The following NRXN3 variants were observed in gnomAD, a reference collection of about 807,000 sequenced individuals.
The protein encoded by NRXN3 is neurexin 3.
In NRXN3, 32 loss-of-function variants were observed where a neutral mutation model predicts 137.6. That is an observed-to-expected ratio of 0.23 (90% CI 0.18 to 0.31). The LOEUF (loss-of-function observed/expected upper bound fraction) is 0.31. Among genes scored for constraint, NRXN3 ranks in the 10% least tolerant of loss-of-function variants. The probability of loss-of-function intolerance (pLI) is 1.00; values close to 1 mark genes in which losing one functional copy is unlikely to be tolerated. For missense variants in NRXN3, 1,574 were observed against 2,062.5 expected, an observed-to-expected ratio of 0.76 and a Z score of 4.59; for synonymous variants, 798 against 784.5, an observed-to-expected ratio of 1.02 and a Z score of -0.29.
chr14:79,821,838 C>T (rs557385796), intron 20 of NRXN3, among the ~76,000 whole-genome samples: 1 of 152,110 alleles, frequency 6.6e-6, no homozygotes, highest in Non-Finnish European at 1.5e-5. Flanking sequence ...TGGACCTAGT[C>T]TTTATTGGAG....
chr14:79,315,942 A>T (rs1331448937), intron 15 of NRXN3, among the ~76,000 whole-genome samples: 1 of 152,240 alleles, frequency 6.6e-6, no homozygotes, highest in Non-Finnish European at 1.5e-5. Flanking sequence ...TGGTTAAATA[A>T]GAAATACATT....
intron 4 of NRXN3, among the ~76,000 whole-genome samples, chr14:78,424,038 T>C (rs184824934): frequency 5.8e-4 from 89 of 152,336 alleles, no homozygotes; most frequent in Non-Finnish European, 1.0e-3. Flanking sequence ...GCGGGGGTTC[T>C]TGACCAAACT....
chr14:79,082,087 C>T (rs544971245), intron 15 of NRXN3, among the ~76,000 whole-genome samples: 1 of 148,554 alleles, frequency 6.7e-6, no homozygotes, highest in South Asian at 2.1e-4. Flanking sequence ...TACATATATA[C>T]ACATACTTAT....
intron 15 of NRXN3, among the ~76,000 whole-genome samples, chr14:79,138,210 T>C (rs1180345026): frequency 6.6e-6 from 1 of 152,190 alleles, no homozygotes; most frequent in Non-Finnish European, 1.5e-5. Context: ...GGCTGAAGTA[T>C]AGTAGCATGA....
chr14:78,645,155 G>C lies in NRXN3; in HGVS notation c.793G>C (p.Glu265Gln). The stretch of plus-strand genomic sequence containing the variant: ...GAATGTGGCCACTTTCCGAGGCTCA[G>C]AGTATCTGTGCTACGACCTGTCTCA... ...EENVATFRGSEYLCYDLSQNP... is the reference protein window; with the variant it reads ...EENVATFRGSQYLCYDLSQNP... Residue 265 changes from glutamate to glutamine, a missense_variant, in exon 5 of 21, where the codon GAG (glutamate) becomes CAG (glutamine). Glu to Gln is a conservative substitution (Grantham distance 29). Coordinates refer to ENST00000335750, the MANE Select transcript of NRXN3 (RefSeq NM_001330195.2). 1 of 1,583,044 alleles carries C rather than the reference G, an allele frequency of 6.3e-7. No individual in the cohort carries two copies. Among genetic ancestry groups the C allele is most frequent in the Non-Finnish European group, 8.5e-7 (1 of 1,171,746 alleles).
chr14:79,435,826 G>A (rs1426091375), intron 15 of NRXN3, among the ~76,000 whole-genome samples: 1 of 151,820 alleles, frequency 6.6e-6, no homozygotes, highest in East Asian at 1.9e-4. Context: ...TAGAGATGAG[G>A]TCTCCCTGTG....
chr14:79,213,355 T>C (rs1294601569), intron 15 of NRXN3, among the ~76,000 whole-genome samples: 2 of 152,148 alleles, frequency 1.3e-5, no homozygotes, highest in Admixed American at 1.3e-4. Context: ...TTTGAAAGTG[T>C]TTTTCCATTT....
chr14:79,480,934 G>A (rs1454395914), intron 16 of NRXN3, among the ~76,000 whole-genome samples: 2 of 152,058 alleles, frequency 1.3e-5, no homozygotes, highest in African/African-American at 4.8e-5. Context: ...ATGGAACCAT[G>A]AGCCAATTAA....
At chr14:79,634,018 A>C (rs371585370) in intron 16 of NRXN3, among the ~76,000 whole-genome samples, 37 of 140,150 alleles carry the variant, frequency 2.6e-4, no homozygotes, top group African/African-American at 1.1e-3. Context: ...CTTAAAAAAA[A>C]AAATCTTAGG....
intron 15 of NRXN3, among the ~76,000 whole-genome samples, chr14:79,066,140 T>A (rs1381282990): frequency 6.6e-6 from 1 of 152,070 alleles, no homozygotes; most frequent in African/African-American, 2.4e-5. Flanking sequence ...TTACATTTTT[T>A]AACCCATCTT....
chr14:79,598,336 G>C (rs1311306721), intron 16 of NRXN3, among the ~76,000 whole-genome samples: 1 of 152,094 alleles, frequency 6.6e-6, no homozygotes, highest in Non-Finnish European at 1.5e-5. Flanking sequence ...GAACATCTTA[G>C]TCTCATTTCC....
At chr14:78,237,387 A>G (rs1223277417) in intron 1 of NRXN3, among the ~76,000 whole-genome samples, 1 of 152,210 alleles carries the variant, frequency 6.6e-6, no homozygotes, top group African/African-American at 2.4e-5. Context: ...CTAGGTGTTA[A>G]CACCACTAGA....
intron 1 of NRXN3, among the ~76,000 whole-genome samples, chr14:78,187,701 T>C (rs188514800): frequency 3.9e-5 from 6 of 152,100 alleles, no homozygotes; most frequent in Admixed American, 1.3e-4. Context: ...TCCTTCCTAA[T>C]AACCTCTACC....
At chr14:79,588,779 C>T (rs1359597621) in intron 16 of NRXN3, among the ~76,000 whole-genome samples, 1 of 152,106 alleles carries the variant, frequency 6.6e-6, no homozygotes, top group African/African-American at 2.4e-5. Flanking sequence ...GTTTTCATGT[C>T]TGTTTTTTAA....
At chr14:79,352,117 A>T (rs1208600756) in intron 15 of NRXN3, among the ~76,000 whole-genome samples, 1 of 152,148 alleles carries the variant, frequency 6.6e-6, no homozygotes, top group Admixed American at 6.5e-5. Context: ...ATGATAGCAA[A>T]GTCCATGCCA....
At chr14:79,471,873 T>G (rs746979276) in intron 16 of NRXN3, among the ~76,000 whole-genome samples, 1 of 152,086 alleles carries the variant, frequency 6.6e-6, no homozygotes, top group Non-Finnish European at 1.5e-5. Flanking sequence ...CAAGTGCAGG[T>G]TTGTAGGCTT....
rs534431309 is a variant in NRXN3, at chr14:78,194,070, C to T, written c.-704+23396C>T. 1.2e-3 allele frequency among the ~76,000 whole-genome samples: 180 copies of T among 152,284 alleles called. 1 individual carries two copies. Among genetic ancestry groups the T allele is most frequent in the Middle Eastern group, 6.8e-3 (2 of 294 alleles). On this transcript the variant is annotated intron_variant, in intron 1 of 20. Transcript: ENST00000335750. ...ACTCCATCTAGTCCAGTGGAGGTAA[C>T]GCACGCTGGGTTTGGAGCGAGGACA...
intron 20 of NRXN3, among the ~76,000 whole-genome samples, chr14:79,849,051 C>T (rs1023768432): frequency 6.6e-6 from 1 of 152,126 alleles, no homozygotes; most frequent in African/African-American, 2.4e-5. Flanking sequence ...CAACTCTCTT[C>T]CCCACACCCA....
chr14:78,610,133 T>A (rs185229362), intron 4 of NRXN3, among the ~76,000 whole-genome samples: 50 of 152,194 alleles, frequency 3.3e-4, no homozygotes, highest in African/African-American at 1.2e-3. Flanking sequence ...TTGTCAAGTA[T>A]CTTAGCCTTT....
Sources: gnomAD v4.1 joint callset for allele counts (sites outside exome capture counted in the v4.1 genomes callset) on GRCh38, gnomAD v4.1.1 for gene constraint, MANE v1.5 for transcripts, NCBI Gene and HGNC (gene_info 2026-07-23, HGNC 2026-07-21) for gene names.